The following KIF5B variants were observed in gnomAD, a reference collection of about 807,000 sequenced individuals.
KIF5B encodes kinesin family member 5B, also known as kinesin-1 heavy chain.
KIF5B carries 49 observed loss-of-function variants against 132.8 expected under a neutral mutation model. That is an observed-to-expected ratio of 0.37 (90% CI 0.29 to 0.47). The LOEUF (loss-of-function observed/expected upper bound fraction) is 0.47. Among genes scored for constraint, KIF5B ranks in the 20% least tolerant of loss-of-function variants. KIF5B has a pLI of 1.00. For synonymous variants in KIF5B, 355 were observed against 369.4 expected (o/e 0.96, Z 0.45); for missense variants, 780 against 1,144.0 (o/e 0.68, Z 4.59).
At chr10:32,036,623 C>T (rs200683004) in intron 8 of KIF5B, among the ~76,000 whole-genome samples, 2 of 152,070 alleles carry the variant, frequency 1.3e-5, no homozygotes, top group East Asian at 3.9e-4. Context: ...AATAAATTAG[C>T]AATGTTGGCT....
In KIF5B at chr10:32,038,046, G is replaced by A. The variant is rs573957295; in HGVS notation, c.498+117C>T. On this transcript the variant is annotated intron_variant, in intron 6 of 25. Coordinates refer to ENST00000302418, the MANE Select transcript of KIF5B (RefSeq NM_004521.3). ...AACTGCTTGAACCCTGGAGGCAGAG[G>A]TTGCAGTGAGCCGAGATTGCACCAC... 12 of 566,438 alleles carry A rather than the reference G, an allele frequency of 2.1e-5. No homozygotes were observed. In the South Asian group the frequency reaches 2.9e-4, roughly 14 times the overall value. The allele number at this position is 566,438 out of a possible 1,614,324, so 35.1% of individuals were successfully genotyped here.
At chr10:32,048,265 T>C (rs1270247645) in intron 2 of KIF5B, among the ~76,000 whole-genome samples, 199 bp downstream of exon 2, 2 of 152,240 alleles carry the variant, frequency 1.3e-5, no homozygotes, top group African/African-American at 2.4e-5. Flanking sequence ...TTAGGTACTG[T>C]ATATAATTAG....
At chr10:32,022,072 A>T (rs1245167087) in intron 17 of KIF5B, 68 bp downstream of exon 17, 4 of 750,740 alleles carry the variant, frequency 5.3e-6, no homozygotes, top group Non-Finnish European at 6.7e-6. Flanking sequence ...CAGTGTGAAT[A>T]TTAAGTTTAC....
chr10:32,040,312 GAAATAATATC>G, intron 3 of KIF5B, 62 bp downstream of exon 3: 1 of 904,898 alleles, frequency 1.1e-6, no homozygotes, highest in Non-Finnish European at 1.9e-6. Flanking sequence ...TATGCATGGT[GAAATAATATC>G]ACAAATAATG....
Position 32,018,066 on chromosome 10 carries a change from T to C in KIF5B, c.2530A>G (p.Lys844Glu). The change falls in exon 23 of 26, where the codon AAA becomes GAA. Residue 844 changes from lysine (K) to glutamate (E), a missense_variant. Physicochemically the swap from Lys to Glu is moderately conservative, Grantham distance 56 (BLOSUM62 1). Around this residue, in one of 9 missense-constraint regions of KIF5B, gnomAD observed 32 missense variants for 71.1 expected, o/e 0.45. Transcript: ENST00000302418. ...FLENNLEQLTKVHKQLVRDNA... is the reference protein window; with the variant it reads ...FLENNLEQLTEVHKQLVRDNA... ...CTCTTTAGTACCTGTTTGTGCACTT[T>C]AGTGAGCTGTTCAAGATTATTTTCA... The C allele has an allele frequency of 6.3e-7, 1 of 1,597,842 alleles. No homozygotes were observed. Among genetic ancestry groups the C allele is most frequent in the Non-Finnish European group, 8.6e-7 (1 of 1,166,544 alleles).
Position 32,019,892 on chromosome 10 carries a change from C to A in KIF5B, c.2272G>T (p.Asp758Tyr), listed in dbSNP as rs761138140. The A allele has an allele frequency of 1.2e-6, 2 of 1,611,936 alleles. No individual in the cohort carries two copies. Among genetic ancestry groups the A allele is most frequent in the Non-Finnish European group, 8.5e-7 (1 of 1,179,156 alleles). ...RVEHEKLKAT[D>Y]QEKSRKLHEL... ...TGTAGTTTTCTGCTCTTTTCCTGAT[C>A]TGTGGCTTTCAACTTCTCATGTTCT... Residue 758 changes from aspartate (D) to tyrosine (Y), a missense_variant, in exon 20 of 26, where the codon GAT becomes TAT. Physicochemically the swap from Asp to Tyr is radical, Grantham distance 160 (BLOSUM62 -3). This residue lies in a region of KIF5B where 471 missense variants were observed against 569.9 expected (regional missense o/e 0.83). Transcript: ENST00000302418.
At chr10:32,038,100 ACT>A (rs1446139926) in intron 6 of KIF5B, 61 bp downstream of exon 6, 4 of 977,980 alleles carry the variant, frequency 4.1e-6, no homozygotes, top group Non-Finnish European at 6.3e-6. Flanking sequence ...ACAGAGTGAG[ACT>A]CTGTCTTAAA....
intron 25 of KIF5B, among the ~76,000 whole-genome samples, chr10:32,013,248 T>C (rs937963968): frequency 1.3e-5 from 2 of 152,208 alleles, no homozygotes; most frequent in Admixed American, 6.5e-5. Flanking sequence ...ATAAAACTGC[T>C]ATGAGTCCAA....
At chr10:32,012,750 T>C (rs11008727) in intron 25 of KIF5B, among the ~76,000 whole-genome samples, 41,232 of 152,076 alleles carry the variant, frequency 0.27, 5,743 homozygotes, top group East Asian at 0.38. Flanking sequence ...AGTTGACATA[T>C]GAATTTTAAT....
At chr10:32,019,430 A>G (rs932720805) in intron 20 of KIF5B, among the ~76,000 whole-genome samples, 1 of 152,216 alleles carries the variant, frequency 6.6e-6, no homozygotes, top group Non-Finnish European at 1.5e-5. Flanking sequence ...AGAAAAGGTA[A>G]ACCATGAAAA....
chr10:32,039,100 C>T (rs553409712), intron 4 of KIF5B, among the ~76,000 whole-genome samples: 75 of 152,262 alleles, frequency 4.9e-4, no homozygotes, highest in Non-Finnish European at 9.6e-4. Flanking sequence ...AAAGCAACCT[C>T]CTTTATTTTT....
At chr10:32,046,776 T>G (rs1841615412) in intron 2 of KIF5B, among the ~76,000 whole-genome samples, 1 of 152,146 alleles carries the variant, frequency 6.6e-6, no homozygotes, top group African/African-American at 2.4e-5. Context: ...ACCTTTTCAT[T>G]ACTAACTGCA....
intron 15 of KIF5B, among the ~76,000 whole-genome samples, chr10:32,025,411 T>TA (rs1245744502): frequency 6.6e-6 from 1 of 152,218 alleles, no homozygotes; most frequent in African/African-American, 2.4e-5. Flanking sequence ...AGTCTCACTC[T>TA]GTCACCTAGG....
intron 2 of KIF5B, among the ~76,000 whole-genome samples, chr10:32,047,119 G>A (rs1321757621): frequency 6.6e-6 from 1 of 152,098 alleles, no homozygotes; most frequent in Non-Finnish European, 1.5e-5. Context: ...TCTATTGAAT[G>A]TGTATTGCTT....
chr10:32,013,623 G>A (rs528379255), intron 25 of KIF5B, among the ~76,000 whole-genome samples: 1 of 152,224 alleles, frequency 6.6e-6, no homozygotes, highest in African/African-American at 2.4e-5. Flanking sequence ...GGAAAAATCT[G>A]AATATGGAAT....
At chr10:32,023,793 A>ACATC (rs1461088793) in intron 15 of KIF5B, among the ~76,000 whole-genome samples, 1 of 152,212 alleles carries the variant, frequency 6.6e-6, no homozygotes, top group Non-Finnish European at 1.5e-5. Flanking sequence ...CTTCAACTGG[A>ACATC]CATCCAGATG....
chr10:32,055,947 G>A lies in KIF5B; in HGVS notation c.27C>T (p.Ile9=). 5 of 1,609,976 alleles carry A rather than the reference G, an allele frequency of 3.1e-6. No individual in the cohort carries two copies. Among genetic ancestry groups the A allele is most frequent in the Non-Finnish European group, 4.2e-6 (5 of 1,179,910 alleles). ...GAGGTCTGAAGCGACACATCACTTTGATGTTGCACTCGGCCAGGTCCGCCA... is the reference window on the plus strand; with the variant it reads ...GAGGTCTGAAGCGACACATCACTTTAATGTTGCACTCGGCCAGGTCCGCCA... MADLAECN[I]KVMCRFRPLN... Residue 9 remains isoleucine (I), a synonymous_variant, in exon 1 of 26, where the codon ATC becomes ATT. Transcript: ENST00000302418.
In KIF5B at chr10:32,021,056, C is replaced by T; in HGVS notation, c.2170G>A (p.Glu724Lys). ...TCAGTAATAAGTTTTGCTTTTGCTT[C>T]TACTTCATCTCTCAAACTACTGATC... ...KQISSLRDEV[E>K]AKAKLITDLQ... Residue 724 changes from glutamate to lysine, a missense_variant, in exon 19 of 26, where the codon GAA becomes AAA. This residue lies in a region of KIF5B where 471 missense variants were observed against 569.9 expected (regional missense o/e 0.83). Transcript: ENST00000302418. 6.2e-7 allele frequency: 1 copy of T among 1,612,526 alleles called. No homozygotes were observed. Among genetic ancestry groups the T allele is most frequent in the Non-Finnish European group, 8.5e-7 (1 of 1,178,800 alleles).
intron 16 of KIF5B, 82 bp downstream of exon 16, chr10:32,022,766 A>C: frequency 9.5e-7 from 1 of 1,047,264 alleles, no homozygotes. Context: ...ATAGACACAC[A>C]TTTTTCTGAA....
Sources: allele counts gnomAD v4.1 joint callset (sites outside exome capture counted in the v4.1 genomes callset), GRCh38; gene constraint gnomAD v4.1.1; regional missense constraint gnomAD v4.1.1; transcripts MANE v1.5; gene names NCBI Gene and HGNC (gene_info 2026-07-23, HGNC 2026-07-21).